The following BLTP3A variants were observed in gnomAD, a reference collection of about 807,000 sequenced individuals.
BLTP3A encodes bridge-like lipid transfer protein family member 3A, also known as ICBP90 binding protein 1.
At chr6:34,871,930 G>A in the BLTP3A span, 30 of 1,613,234 alleles carry the variant, frequency 1.9e-5, no homozygotes, top group Non-Finnish European at 2.5e-5. Context: ...CAGCAGGTGA[G>A]GACCTAACAG....
At chr6:34,821,271 T>C in the BLTP3A span, among the ~76,000 whole-genome samples, 606 of 152,346 alleles carry the variant, frequency 4.0e-3, 15 homozygotes, top group East Asian at 0.034. Context: ...TGTCTGTTTT[T>C]ATGCGAGGGT....
At chr6:34,867,786 C>G in the BLTP3A span, among the ~76,000 whole-genome samples, 1 of 152,104 alleles carries the variant, frequency 6.6e-6, no homozygotes, top group Non-Finnish European at 1.5e-5. Context: ...TTGCAAAGAG[C>G]CTCTCAGAGC....
At chr6:34,832,423 T>G in the BLTP3A span, among the ~76,000 whole-genome samples, 1 of 151,916 alleles carries the variant, frequency 6.6e-6, no homozygotes. Context: ...GCCCAGCGTT[T>G]TTTCTTTTCT....
the BLTP3A span, chr6:34,836,211 G>A: frequency 3.7e-6 from 6 of 1,614,192 alleles, no homozygotes; most frequent in Non-Finnish European, 5.1e-6. Context: ...TTTGGTGGCA[G>A]CCAGGGCAAC....
At chr6:34,823,118 A>G in the BLTP3A span, 4 of 673,796 alleles carry the variant, frequency 5.9e-6, no homozygotes, top group East Asian at 7.8e-5. Flanking sequence ...TTCACTCAGT[A>G]AATATTTATT....
chr6:34,822,299 G>A, the BLTP3A span, among the ~76,000 whole-genome samples: 2 of 150,926 alleles, frequency 1.3e-5, no homozygotes, highest in African/African-American at 4.9e-5. Context: ...TGTCACTAAG[G>A]CTGGAGTGCC....
chr6:34,801,577 C>A, the BLTP3A span, among the ~76,000 whole-genome samples: 1 of 152,112 alleles, frequency 6.6e-6, no homozygotes, highest in Non-Finnish European at 1.5e-5. Context: ...CATAAAGAAG[C>A]ATTGTCCCTT....
At chr6:34,869,235 C>T in the BLTP3A span, among the ~76,000 whole-genome samples, 1 of 152,080 alleles carries the variant, frequency 6.6e-6, no homozygotes, top group African/African-American at 2.4e-5. Flanking sequence ...CTCCTGGCCT[C>T]AAGCGATCTG....
At chr6:34,827,915 C>A in the BLTP3A span, among the ~76,000 whole-genome samples, 3 of 151,964 alleles carry the variant, frequency 2.0e-5, no homozygotes, top group Admixed American at 6.6e-5. Flanking sequence ...TACATGAAAT[C>A]ATTCTTTAGA....
chr6:34,834,782 A>T, the BLTP3A span: 3 of 1,614,200 alleles, frequency 1.9e-6, no homozygotes, highest in Non-Finnish European at 2.5e-6. Context: ...GCTACAGACA[A>T]TGGTGATCAG....
chr6:34,833,624 A>T, the BLTP3A span, among the ~76,000 whole-genome samples: 1 of 152,058 alleles, frequency 6.6e-6, no homozygotes, highest in East Asian at 1.9e-4. Flanking sequence ...CTTAAAAAAA[A>T]ATTTCTCATT....
the BLTP3A span, chr6:34,856,876 C>T: frequency 1.3e-5 from 21 of 1,614,074 alleles, no homozygotes; most frequent in Admixed American, 1.7e-5. Flanking sequence ...AGCATGGAAC[C>T]GCTTACGCTC....
chr6:34,834,237 A>G, the BLTP3A span: 3 of 1,613,892 alleles, frequency 1.9e-6, no homozygotes, highest in Non-Finnish European at 2.5e-6. Flanking sequence ...TTTGCCGAAA[A>G]GGTGGTGGAA....
the BLTP3A span, chr6:34,792,356 T>A: frequency 1.4e-6 from 2 of 1,423,834 alleles, no homozygotes; most frequent in Non-Finnish European, 1.9e-6. Flanking sequence ...TCCGACCTCC[T>A]CCCTGACGCC....
At chr6:34,847,350 C>T in the BLTP3A span, among the ~76,000 whole-genome samples, 269 of 152,080 alleles carry the variant, frequency 1.8e-3, 1 homozygote, top group African/African-American at 6.1e-3. Flanking sequence ...TATTCCTCCT[C>T]TATTTTTTGG....
chr6:34,793,752 A>C, the BLTP3A span, among the ~76,000 whole-genome samples: 1 of 152,194 alleles, frequency 6.6e-6, no homozygotes, highest in Non-Finnish European at 1.5e-5. Flanking sequence ...CAAAGATTGC[A>C]GAATGGAACA....
At chr6:34,795,461 G>A in the BLTP3A span, among the ~76,000 whole-genome samples, 6 of 150,650 alleles carry the variant, frequency 4.0e-5, no homozygotes, top group Non-Finnish European at 8.8e-5. Flanking sequence ...GCAGTGGCAC[G>A]ATCTCGGCTC....
the BLTP3A span, chr6:34,855,585 C>A: frequency 1.3e-4 from 211 of 1,610,254 alleles, no homozygotes; most frequent in Non-Finnish European, 1.8e-4. Context: ...TTGTTCCTTC[C>A]ACTGCCATTC....
the BLTP3A span, among the ~76,000 whole-genome samples, chr6:34,801,311 G>A: frequency 6.6e-6 from 1 of 152,116 alleles, no homozygotes; most frequent in African/African-American, 2.4e-5. Flanking sequence ...ACGTAATGTT[G>A]AATAGTTCCC....
Sources: allele counts gnomAD v4.1 joint callset (sites outside exome capture counted in the v4.1 genomes callset), GRCh38; gene constraint gnomAD v4.1.1; transcripts MANE v1.5; gene names NCBI Gene and HGNC (gene_info 2026-07-23, HGNC 2026-07-21).